SH3RF2: variants seen among roughly 807,000 people sequenced by gnomAD.
The protein encoded by SH3RF2 is E3 ubiquitin-protein ligase SH3RF2.
SH3RF2 carries 43 observed loss-of-function variants against 59.0 expected under a neutral mutation model. The ratio of observed to expected loss-of-function variants is 0.73; its 90% CI spans 0.57 to 0.94. The LOEUF (loss-of-function observed/expected upper bound fraction) is 0.94. Among genes scored for constraint, SH3RF2 ranks in the 40% least tolerant of loss-of-function variants. The probability of loss-of-function intolerance (pLI) is 0.00; values close to 1 mark genes in which losing one functional copy is unlikely to be tolerated. For missense variants in SH3RF2, 930 were observed against 940.1 expected (o/e 0.99, Z 0.14); for synonymous variants, 391 against 391.5 (o/e 1.00, Z 0.01).
intron 2 of SH3RF2, among the ~76,000 whole-genome samples, chr5:145,973,281 G>T (rs1432547548): frequency 1.3e-5 from 2 of 152,184 alleles, no homozygotes; most frequent in East Asian, 3.8e-4. Context: ...GCCAAATTAA[G>T]GGATCTGGAC....
intron 3 of SH3RF2, 106 bp downstream of exon 3, chr5:146,000,433 A>G: frequency 2.2e-6 from 2 of 929,830 alleles, no homozygotes. Flanking sequence ...TGTATTTTAA[A>G]TATATTATAT....
chr5:145,980,938 G>A (rs1308614113), intron 2 of SH3RF2, among the ~76,000 whole-genome samples: 1 of 152,086 alleles, frequency 6.6e-6, no homozygotes, highest in African/African-American at 2.4e-5. Context: ...CTGAGGCAAA[G>A]TCCACACATC....
chr5:146,068,121 C>A (rs1763147143), downstream of SH3RF2, among the ~76,000 whole-genome samples: 1 of 152,240 alleles, frequency 6.6e-6, no homozygotes, highest in Non-Finnish European at 1.5e-5. Flanking sequence ...TCCATGCTGG[C>A]TGGTCTGCCT....
intron 8 of SH3RF2, among the ~76,000 whole-genome samples, chr5:146,057,086 TTAAAC>T (rs765261023): frequency 5.3e-5 from 8 of 152,236 alleles, no homozygotes; most frequent in African/African-American, 1.2e-4. Context: ...GTTCCCTGAA[TTAAAC>T]TAAGCTCTGC....
chr5:146,007,137 C>G (rs1253532676), intron 4 of SH3RF2, among the ~76,000 whole-genome samples: 2 of 152,124 alleles, frequency 1.3e-5, no homozygotes, highest in Non-Finnish European at 2.9e-5. Flanking sequence ...ACCCAAAAGC[C>G]AACAGAAGCC....
At chr5:146,032,754 A>G (rs1761785764) in intron 5 of SH3RF2, among the ~76,000 whole-genome samples, 1 of 152,228 alleles carries the variant, frequency 6.6e-6, no homozygotes. Flanking sequence ...CTCTGGTAAC[A>G]CAGAAATGAC....
At chr5:146,025,673 T>C (rs1761504379) in intron 5 of SH3RF2, among the ~76,000 whole-genome samples, 1 of 152,186 alleles carries the variant, frequency 6.6e-6, no homozygotes, top group African/African-American at 2.4e-5. Flanking sequence ...TGCTGGAAAC[T>C]AAATACTGCC....
chr5:145,958,229 C>T (rs756825379), intron 2 of SH3RF2, among the ~76,000 whole-genome samples: 24 of 152,190 alleles, frequency 1.6e-4, no homozygotes, highest in East Asian at 3.8e-4. Context: ...TCTGTAAAAC[C>T]GTAACATCTA....
chr5:146,067,276 C>T (rs78345917), downstream of SH3RF2, among the ~76,000 whole-genome samples: 2,477 of 152,254 alleles, frequency 0.016, 42 homozygotes, highest in African/African-American at 0.051. Context: ...CTGCCTTCCC[C>T]GGCAGCAGCA....
chr5:145,938,113 C>T lies in SH3RF2; in HGVS notation c.185C>T (p.Ala62Val), dbSNP rs760745037. ...CRTPVFSNIE[A>V]LPANLLLVRL... ...ACGCCTGTGTTTTCCAACATTGAGGCGCTGCCGGCCAACCTGCTGCTCGTG... is the reference window on the plus strand; with the variant it reads ...ACGCCTGTGTTTTCCAACATTGAGGTGCTGCCGGCCAACCTGCTGCTCGTG... The change falls in exon 2 of 10, where the codon GCG becomes GTG. Residue 62 changes from alanine to valine, a missense_variant. Transcript: ENST00000359120. 4.3e-6 allele frequency: 7 copies of T among 1,614,184 alleles called. No homozygotes were observed. The highest frequency in any genetic ancestry group is 5.9e-6 in the Non-Finnish European group (7 of 1,180,022).
intron 5 of SH3RF2, among the ~76,000 whole-genome samples, chr5:146,016,848 G>A (rs1294005523): frequency 6.6e-6 from 1 of 152,076 alleles, no homozygotes; most frequent in African/African-American, 2.4e-5. Flanking sequence ...TTTGTCCTAA[G>A]TCTTTTGCAC....
At chr5:146,079,658 C>A (rs1763393906) in exon 10 of SH3RF2, 6 of 152,176 alleles carry the variant, frequency 3.9e-5, no homozygotes, top group Admixed American at 3.9e-4. Flanking sequence ...GAAATGTTTT[C>A]TTCTATGTGA....
chr5:146,058,556 C>T lies in SH3RF2; in HGVS notation c.1556-1310C>T, dbSNP rs141593896. 1.5e-3 allele frequency among the ~76,000 whole-genome samples: 225 copies of T among 152,308 alleles called. 1 individual carries two copies. Among genetic ancestry groups the T allele is most frequent in the African/African-American group, 5.0e-3 (208 of 41,572 alleles). ...GCTTAATAAGAAGTCACGATGCAGA[C>T]GTGGCCTTGGCTCAGACCCTCTGTG... On this transcript the variant is annotated intron_variant, in intron 8 of 9. Coordinates refer to ENST00000359120, the MANE Select transcript of SH3RF2 (RefSeq NM_152550.4).
At chr5:146,060,264 C>A in intron 9 of SH3RF2, 40 bp downstream of exon 9, 2 of 1,528,540 alleles carry the variant, frequency 1.3e-6, no homozygotes, top group Non-Finnish European at 1.8e-6. Flanking sequence ...CTCTTTCGAT[C>A]CCGTACTATG....
At chr5:146,062,393 A>C (rs1762929302) in intron 9 of SH3RF2, 33 bp from the exon 10 acceptor site, 1 of 1,604,630 alleles carries the variant, frequency 6.2e-7, no homozygotes, top group Non-Finnish European at 8.5e-7. Context: ...CTCCCACCTC[A>C]CCTGTGTCCA....
intron 5 of SH3RF2, among the ~76,000 whole-genome samples, chr5:146,021,078 T>G (rs758835863): frequency 1.3e-5 from 2 of 152,148 alleles, no homozygotes; most frequent in African/African-American, 4.8e-5. Context: ...CATCACTGTC[T>G]TTCATAGGAG....
chr5:146,028,211 G>C lies in SH3RF2; in HGVS notation c.1059+14150G>C, dbSNP rs62392665. On this transcript the variant is annotated intron_variant, in intron 5 of 9. Coordinates refer to ENST00000359120, the MANE Select transcript of SH3RF2 (RefSeq NM_152550.4). ...ACACACACACACACACACACACACA[G>C]AGATAATTCAACAAGAAAGGAAGAC... Among the ~76,000 whole-genome samples, 554 of 118,004 alleles carry C rather than the reference G, an allele frequency of 4.7e-3. 5 individuals carry two copies. The highest frequency in any genetic ancestry group is 0.016 in the South Asian group (54 of 3,440). The allele number at this position is 118,004 out of a possible 152,430, so 77.4% of individuals were successfully genotyped here.
intron 4 of SH3RF2, among the ~76,000 whole-genome samples, chr5:146,008,088 C>A (rs887206178): frequency 1.3e-5 from 2 of 152,098 alleles, no homozygotes; most frequent in African/African-American, 4.8e-5. Context: ...GAATTGCACC[C>A]GCATTAAAAG....
At chr5:146,001,039 C>A (rs1290971950) in intron 3 of SH3RF2, among the ~76,000 whole-genome samples, 2 of 152,204 alleles carry the variant, frequency 1.3e-5, no homozygotes, top group Non-Finnish European at 2.9e-5. Context: ...CAGACACACA[C>A]AATAACATAA....
Sources: gnomAD v4.1 joint callset for allele counts (sites outside exome capture counted in the v4.1 genomes callset) on GRCh38, gnomAD v4.1.1 for gene constraint, MANE v1.5 for transcripts, NCBI Gene and HGNC (gene_info 2026-07-23, HGNC 2026-07-21) for gene names.